The following GSE1 variants were observed in gnomAD, a reference collection of about 807,000 sequenced individuals.
GSE1 encodes the protein genetic suppressor element 1.
A neutral mutation model predicts 112.6 loss-of-function variants in GSE1; 32 were observed. The ratio of observed to expected loss-of-function variants is 0.28; its 90% CI spans 0.21 to 0.38. The LOEUF (loss-of-function observed/expected upper bound fraction) is 0.38. GSE1 is among the 10% of genes least tolerant of loss of function. The pLI is 1.00. For synonymous variants in GSE1, 1,115 were observed against 735.6 expected, an observed-to-expected ratio of 1.52 and a Z score of -8.35; for missense variants, 2,348 against 1,699.2, an observed-to-expected ratio of 1.38 and a Z score of -6.71.
intron 2 of GSE1, chr16:85,359,438 C>G (rs919393020): frequency 4.4e-6 from 2 of 455,882 alleles, no homozygotes; most frequent in East Asian, 7.0e-5. Flanking sequence ...GTTTGGGGAG[C>G]AGGCCCACCC....
intron 1 of GSE1, among the ~76,000 whole-genome samples, chr16:85,308,901 G>A (rs765236305): frequency 2.0e-5 from 3 of 146,956 alleles, no homozygotes; most frequent in Admixed American, 6.9e-5. Context: ...ACGTGACAGC[G>A]ACAAGCCATT....
At chr16:85,587,786 G>A (rs762993698) in intron 1 of GSE1, among the ~76,000 whole-genome samples, 11 of 152,198 alleles carry the variant, frequency 7.2e-5, no homozygotes, top group African/African-American at 7.2e-5. Context: ...CTTTCCTGCC[G>A]GTTGGCAAAG....
At chr16:85,170,149 C>A (rs2074335482) in exon 1 of GSE1, 1 of 985,280 alleles carries the variant, frequency 1.0e-6, no homozygotes, top group Non-Finnish European at 1.2e-6. Context: ...TCGCGGGGGG[C>A]GCGGCCAGGA....
At chr16:85,348,481 A>G (rs988283117) in intron 1 of GSE1, among the ~76,000 whole-genome samples, 5 of 152,152 alleles carry the variant, frequency 3.3e-5, no homozygotes, top group African/African-American at 7.2e-5. Flanking sequence ...CCCAGGTCCC[A>G]GCTCTTTCTT....
intron 2 of GSE1, among the ~76,000 whole-genome samples, chr16:85,430,994 G>A (rs147517568): frequency 1.4e-4 from 22 of 152,312 alleles, no homozygotes; most frequent in Admixed American, 3.9e-4. Flanking sequence ...TTCCAGCCCC[G>A]CCGCAAGGCC....
chr16:85,291,318 G>A (rs1597307204), intron 1 of GSE1, among the ~76,000 whole-genome samples: 1 of 152,160 alleles, frequency 6.6e-6, no homozygotes, highest in East Asian at 1.9e-4. Context: ...GGTGGCACCA[G>A]CCCCCCTGGG....
At chr16:85,586,647 C>G (rs147999150) in intron 1 of GSE1, among the ~76,000 whole-genome samples, 1 of 152,236 alleles carries the variant, frequency 6.6e-6, no homozygotes, top group African/African-American at 2.4e-5. Flanking sequence ...CCGCGCCCCC[C>G]CGACTGCCGT....
chr16:85,467,007 C>G (rs2050143368), intron 2 of GSE1, among the ~76,000 whole-genome samples: 1 of 152,250 alleles, frequency 6.6e-6, no homozygotes, highest in Non-Finnish European at 1.5e-5. Context: ...TTGTAGTGAG[C>G]TGAGATAGCG....
At chr16:85,319,922 C>T (rs1211646310) in intron 1 of GSE1, among the ~76,000 whole-genome samples, 1 of 152,202 alleles carries the variant, frequency 6.6e-6, no homozygotes, top group Non-Finnish European at 1.5e-5. Context: ...CTTGTTGAGT[C>T]CATGGGTAAG....
chr16:85,620,318 G>A (rs1369390659), intron 1 of GSE1, among the ~76,000 whole-genome samples: 2 of 152,192 alleles, frequency 1.3e-5, no homozygotes, highest in Non-Finnish European at 2.9e-5. Context: ...AAACTGAGCT[G>A]CTTCACCCAG....
At chr16:85,222,589 C>A (rs752119845) in intron 1 of GSE1, among the ~76,000 whole-genome samples, 7 of 152,222 alleles carry the variant, frequency 4.6e-5, no homozygotes, top group Non-Finnish European at 1.0e-4. Flanking sequence ...AGCAGCCATG[C>A]ACCAACATCT....
chr16:85,556,541 C>A (rs2151263894), intron 1 of GSE1, among the ~76,000 whole-genome samples: 1 of 151,566 alleles, frequency 6.6e-6, no homozygotes, highest in African/African-American at 2.4e-5. Flanking sequence ...CCGCGGTGTG[C>A]GCGGCTACGT....
intron 2 of GSE1, among the ~76,000 whole-genome samples, chr16:85,464,278 T>G (rs2050062373): frequency 6.6e-6 from 1 of 151,680 alleles, no homozygotes; most frequent in African/African-American, 2.4e-5. Flanking sequence ...AGAAAGAGCT[T>G]AAAACAAATC....
At position 85,598,111 on chromosome 16, in the gene GSE1, G is replaced by A. The variant is rs1188835505; in HGVS notation, c.37+41748G>A. On this transcript the variant is annotated intron_variant, in intron 1 of 2. Transcript: ENST00000635906. The stretch of plus-strand genomic sequence containing the variant: ...GTGTATCCCATCTGCAAAAATCAGT[G>A]TGCAGGCATCGGCGTTTTTCTCTCT... Among the ~76,000 whole-genome samples the A allele has an allele frequency of 2.6e-5, 4 of 151,238 alleles. No homozygotes were observed. In the East Asian group the frequency reaches 7.7e-4, roughly 29 times the overall value.
At chr16:85,177,112 A>G (rs2074483210) in intron 1 of GSE1, among the ~76,000 whole-genome samples, 2 of 152,212 alleles carry the variant, frequency 1.3e-5, no homozygotes, top group African/African-American at 4.8e-5. Flanking sequence ...GCAGTCGGAG[A>G]AAACCAGGGG....
intron 1 of GSE1, among the ~76,000 whole-genome samples, chr16:85,317,391 C>T (rs554323829): frequency 2.4e-4 from 37 of 152,170 alleles, no homozygotes; most frequent in Non-Finnish European, 4.6e-4. Context: ...CCTCCAGCTC[C>T]AGCGGTGCTG....
At chr16:85,236,315 A>G (rs1904657620) in intron 1 of GSE1, among the ~76,000 whole-genome samples, 1 of 152,166 alleles carries the variant, frequency 6.6e-6, no homozygotes, top group Non-Finnish European at 1.5e-5. Flanking sequence ...ACTTCTGTGT[A>G]AAAGTCAAAT....
At chr16:85,452,366 T>A (rs908742129) in intron 2 of GSE1, among the ~76,000 whole-genome samples, 1 of 152,098 alleles carries the variant, frequency 6.6e-6, no homozygotes, top group African/African-American at 2.4e-5. Flanking sequence ...GTGTTCCCAC[T>A]CTGGCCCCCA....
At chr16:85,553,594 G>C (rs1171348304), upstream of GSE1, among the ~76,000 whole-genome samples, 1 of 152,022 alleles carries the variant, frequency 6.6e-6, no homozygotes, top group Non-Finnish European at 1.5e-5. Flanking sequence ...CTCGCACCCC[G>C]GCGGTCGAGC....
Sources: allele counts gnomAD v4.1 joint callset (sites outside exome capture counted in the v4.1 genomes callset), GRCh38; gene constraint gnomAD v4.1.1; transcripts MANE v1.5; gene names NCBI Gene and HGNC (gene_info 2026-07-23, HGNC 2026-07-21).